SMURF2: variants seen among roughly 807,000 people sequenced by gnomAD.
SMURF2 encodes the protein SMAD specific E3 ubiquitin protein ligase 2.
In SMURF2, 48 loss-of-function variants were observed where a neutral mutation model predicts 109.6. The ratio of observed to expected loss-of-function variants is 0.44; its 90% CI spans 0.35 to 0.56. The LOEUF is 0.56. SMURF2 is among the 20% of genes least tolerant of loss of function. The probability of loss-of-function intolerance (pLI) is 0.01; values close to 1 mark genes in which losing one functional copy is unlikely to be tolerated. For synonymous variants in SMURF2, 288 were observed against 317.1 expected (o/e 0.91, Z 0.97); for missense variants, 575 against 909.0 (o/e 0.63, Z 4.72).
At chr17:64,655,476 T>A (rs1343862671) in intron 1 of SMURF2, among the ~76,000 whole-genome samples, 5 of 151,808 alleles carry the variant, frequency 3.3e-5, no homozygotes, top group Admixed American at 1.3e-4. Flanking sequence ...CAGGCTGGTC[T>A]CAAACTCCTG....
chr17:64,644,028 A>C (rs1267235991), intron 1 of SMURF2, among the ~76,000 whole-genome samples: 1 of 151,632 alleles, frequency 6.6e-6, no homozygotes, highest in Non-Finnish European at 1.5e-5. Flanking sequence ...GTTTCACCAT[A>C]TCGCCCAGGC....
chr17:64,661,462 G>A (rs753917133), intron 1 of SMURF2, among the ~76,000 whole-genome samples: 21 of 152,008 alleles, frequency 1.4e-4, no homozygotes, highest in Admixed American at 1.2e-3. Flanking sequence ...TCCTCGCCAC[G>A]GGAGCTCTTC....
intron 2 of SMURF2, among the ~76,000 whole-genome samples, chr17:64,599,176 G>A (rs781873775): frequency 2.6e-5 from 4 of 152,046 alleles, no homozygotes; most frequent in Non-Finnish European, 5.9e-5. Flanking sequence ...ATAACCCTAC[G>A]AGGTAAACAC....
chr17:64,617,526 GC>G (rs1325561958), intron 1 of SMURF2, among the ~76,000 whole-genome samples: 3 of 152,028 alleles, frequency 2.0e-5, no homozygotes, highest in Admixed American at 2.0e-4. Flanking sequence ...TGTCACTTAG[GC>G]TGGAATGGAG....
intron 16 of SMURF2, among the ~76,000 whole-genome samples, chr17:64,551,359 A>G (rs1969042640): frequency 7.5e-6 from 1 of 133,376 alleles, no homozygotes; most frequent in Non-Finnish European, 1.6e-5. Context: ...CCTGTCTCAG[A>G]AAAAAAAAAA....
chr17:64,641,698 G>A (rs553841405), intron 1 of SMURF2, among the ~76,000 whole-genome samples: 1 of 152,168 alleles, frequency 6.6e-6, no homozygotes, highest in African/African-American at 2.4e-5. Flanking sequence ...CCTGAAGTGA[G>A]AGATATGCCC....
chr17:64,614,930 C>T (rs1278644390), intron 1 of SMURF2, among the ~76,000 whole-genome samples: 2 of 152,164 alleles, frequency 1.3e-5, no homozygotes, highest in Admixed American at 6.6e-5. Context: ...AAATCTTATA[C>T]TTCATTTGAG....
chr17:64,628,600 C>A (rs1421621081), intron 1 of SMURF2, among the ~76,000 whole-genome samples: 1 of 152,188 alleles, frequency 6.6e-6, no homozygotes, highest in African/African-American at 2.4e-5. Flanking sequence ...AGGGCTTACA[C>A]TCCCACAATG....
intron 7 of SMURF2, among the ~76,000 whole-genome samples, 194 bp downstream of exon 7, chr17:64,583,266 CA>C (rs1969601597): frequency 6.6e-6 from 1 of 152,114 alleles, no homozygotes; most frequent in African/African-American, 2.4e-5. Flanking sequence ...CCTGGAGCTA[CA>C]ATGACAGCAT....
At position 64,581,136 on chromosome 17, in the gene SMURF2, T is replaced by G; in HGVS notation, c.570-145A>C. 1 of 735,654 alleles carries G rather than the reference T, an allele frequency of 1.4e-6. No individual in the cohort carries two copies. Among genetic ancestry groups the G allele is most frequent in the Non-Finnish European group, 2.2e-6 (1 of 456,124 alleles). 45.6% of individuals were successfully genotyped at this position (735,654 alleles called of 1,614,324 possible). ...ATACAAGTATAATGACTTCAAGAAC[T>G]CTGAGTAAAAGCAAACCTGAAGTCT... On this transcript the variant is annotated intron_variant, in intron 7 of 18. Transcript: ENST00000262435. This position sits in a 1 kb window ranked among gnomAD's most constrained non-coding sequence, Gnocchi z 4.3.
At chr17:64,564,556 T>C (rs1969274136) in intron 10 of SMURF2, among the ~76,000 whole-genome samples, 1 of 152,152 alleles carries the variant, frequency 6.6e-6, no homozygotes, top group African/African-American at 2.4e-5. Context: ...CATACTGGAT[T>C]AGGATGGCCT....
At chr17:64,643,130 C>A (rs1251666741) in intron 1 of SMURF2, among the ~76,000 whole-genome samples, 1 of 152,028 alleles carries the variant, frequency 6.6e-6, no homozygotes, top group Admixed American at 6.6e-5. Flanking sequence ...GCTCCAGTGA[C>A]CCTCCCATCT....
intron 15 of SMURF2, among the ~76,000 whole-genome samples, chr17:64,554,057 T>C (rs925110862): frequency 6.6e-6 from 1 of 152,234 alleles, no homozygotes; most frequent in South Asian, 2.1e-4. Flanking sequence ...ATTTTTACTT[T>C]ATGAAATCTG....
At chr17:64,661,761 G>A in intron 1 of SMURF2, 68 bp downstream of exon 1, 1 of 1,147,634 alleles carries the variant, frequency 8.7e-7, no homozygotes, top group Non-Finnish European at 1.1e-6. Flanking sequence ...CCTTCCCAAG[G>A]CCACAGGCAC....
chr17:64,562,757 GC>G lies in SMURF2; in HGVS notation c.1212+13del. 2.5e-6 allele frequency: 4 copies of G among 1,608,100 alleles called. No individual in the cohort carries two copies. Among genetic ancestry groups the G allele is most frequent in the Non-Finnish European group, 2.5e-6 (3 of 1,176,722 alleles). On this transcript the variant is annotated intron_variant, in intron 11 of 18. Coordinates refer to ENST00000262435, the MANE Select transcript of SMURF2 (RefSeq NM_022739.4). ...AAAAAAAATAGTAAAACAAAATAAG[GC>G]TCGTAAATTTACCTCAAAAATCTCT...
intron 2 of SMURF2, among the ~76,000 whole-genome samples, chr17:64,602,852 G>T (rs1969916501): frequency 6.6e-6 from 1 of 152,082 alleles, no homozygotes; most frequent in Admixed American, 6.6e-5. Flanking sequence ...TTGAACCTGG[G>T]AGGCGGAGGT....
At chr17:64,593,207 C>CTT in intron 4 of SMURF2, 3 of 216,032 alleles carry the variant, frequency 1.4e-5, no homozygotes, top group Admixed American at 5.9e-5. Context: ...TAAAATGTTT[C>CTT]TTTTTTTTTT....
chr17:64,565,152 A>G (rs1555684843), intron 10 of SMURF2, among the ~76,000 whole-genome samples: 1 of 152,232 alleles, frequency 6.6e-6, no homozygotes, highest in Non-Finnish European at 1.5e-5. Context: ...GCAAATGGAA[A>G]GGTGGCTTAG....
chr17:64,576,596 G>A (rs987564168), intron 9 of SMURF2, among the ~76,000 whole-genome samples: 10 of 150,890 alleles, frequency 6.6e-5, no homozygotes, highest in African/African-American at 9.9e-5. Flanking sequence ...CCCGGGAGGC[G>A]GAGGTTGCAG....
Sources: allele counts gnomAD v4.1 joint callset (sites outside exome capture counted in the v4.1 genomes callset), GRCh38; gene constraint gnomAD v4.1.1; non-coding constraint Gnocchi (gnomAD v3.1); transcripts MANE v1.5; gene names NCBI Gene and HGNC (gene_info 2026-07-23, HGNC 2026-07-21).